Variants in CACNB4 observed in about 807,000 individuals in gnomAD.
CACNB4 encodes the protein voltage-dependent L-type calcium channel subunit beta-4.
Under a neutral mutation model 71.2 loss-of-function variants are expected in CACNB4, and 32 were observed. The observed-to-expected ratio is 0.45, with a 90% CI of 0.34 to 0.60. The LOEUF is 0.60. Ranked by LOEUF, CACNB4 falls within the 20% of genes least tolerant of loss-of-function variation. CACNB4 has a pLI of 0.01. For synonymous variants in CACNB4, 231 were observed against 236.9 expected, an observed-to-expected ratio of 0.97 and a Z score of 0.23; for missense variants, 464 against 647.9, an observed-to-expected ratio of 0.72 and a Z score of 3.08.
intron 2 of CACNB4, among the ~76,000 whole-genome samples, chr2:151,905,806 A>G (rs2099854659): frequency 6.6e-6 from 1 of 152,252 alleles, no homozygotes; most frequent in African/African-American, 2.4e-5. Context: ...CTGACAAGAA[A>G]TGGGAATGTG....
intron 12 of CACNB4, among the ~76,000 whole-genome samples, chr2:151,843,183 T>A (rs1036031647): frequency 6.6e-6 from 1 of 152,200 alleles, no homozygotes; most frequent in South Asian, 2.1e-4. Flanking sequence ...CCCCCTGTCA[T>A]TGCAGTGTGG....
At position 151,841,042 on chromosome 2, in the gene CACNB4, G is replaced by A. The variant is rs1578414747; in HGVS notation, c.1302+861C>T. Among the ~76,000 whole-genome samples, 3 of 152,174 alleles carry A rather than the reference G, an allele frequency of 2.0e-5. No homozygotes were observed. The East Asian group carries it at 5.8e-4, about 29-fold the overall frequency. ...TGTGTTCGTCACCAGCTTCCCTAAA[G>A]GACACGTGCCACAGCCACTTACAAA... is the stretch of plus-strand genomic sequence containing the variant. On this transcript the variant is annotated intron_variant, in intron 13 of 13. Transcript: ENST00000539935.
chr2:151,849,750 G>A (rs1323719704), intron 12 of CACNB4, among the ~76,000 whole-genome samples: 1 of 152,180 alleles, frequency 6.6e-6, no homozygotes, highest in Non-Finnish European at 1.5e-5. Context: ...TAAGGTACCA[G>A]GTCAGCCGCC....
chr2:151,930,339 T>A (rs2099861329), intron 2 of CACNB4, among the ~76,000 whole-genome samples: 1 of 152,114 alleles, frequency 6.6e-6, no homozygotes, highest in Admixed American at 6.6e-5. Context: ...TTTGTTATTC[T>A]CCTAAAGACT....
chr2:151,971,378 T>C (rs998908364), intron 2 of CACNB4: 95 of 629,686 alleles, frequency 1.5e-4, no homozygotes, highest in Admixed American at 2.3e-4. Context: ...GTAGGACATA[T>C]GCGGATGGTT....
At position 152,009,901 on chromosome 2, in the gene CACNB4, G is replaced by A. The variant is rs187981534; in HGVS notation, c.147+88429C>T. On this transcript the variant is annotated intron_variant, in intron 2 of 13. Coordinates refer to ENST00000539935, the MANE Select transcript of CACNB4 (RefSeq NM_000726.5). Reference sequence around the variant, plus strand: ...AAAAGGCGTCAAGAAACTGGGGCTGGGGACACAGCAACAGTGAGAAATCTT... The same window carrying A: ...AAAAGGCGTCAAGAAACTGGGGCTGAGGACACAGCAACAGTGAGAAATCTT... 6.6e-4 allele frequency among the ~76,000 whole-genome samples: 101 copies of A among 152,250 alleles called. 2 individuals are homozygous for A. In the East Asian group the frequency reaches 0.016, roughly 24 times the overall value.
In CACNB4 at chr2:151,833,219, A is replaced by C. The variant is rs1168897521; in HGVS notation, c.*5900T>G. 6.6e-6 allele frequency: 1 copy of C among 152,156 alleles called. No homozygotes were observed. The highest frequency in any genetic ancestry group is 2.4e-5 in the African/African-American group (1 of 41,448). The allele number at this position is 152,156 out of a possible 1,614,324, so 9.4% of individuals were successfully genotyped here. On this transcript the variant is annotated 3_prime_UTR_variant, in exon 14 of 14. Coordinates refer to ENST00000539935, the MANE Select transcript of CACNB4 (RefSeq NM_000726.5). ...AAAAATCTTTTTACATCATTTTGCC[A>C]TATTTCTGTTTTAGTATGTTTTATG...
rs547251558 is a variant in CACNB4 at position 151,933,762 on chromosome 2, G to A, written c.148-50392C>T. Among the ~76,000 whole-genome samples the A allele has an allele frequency of 2.6e-5, 4 of 152,090 alleles. 1 individual carries two copies. In the South Asian group the frequency reaches 8.3e-4, roughly 32 times the overall value. On this transcript the variant is annotated intron_variant, in intron 2 of 13. Coordinates refer to ENST00000539935, the MANE Select transcript of CACNB4 (RefSeq NM_000726.5). ...GATATCAAACTCCATATATTTTGAG[G>A]GTTTTAAAAAAAATTGTAGGGTCAC...
In CACNB4 at chr2:152,098,189, C is replaced by G. The variant is rs1361302451; in HGVS notation, c.147+141G>C. 7 of 639,100 alleles carry G rather than the reference C, an allele frequency of 1.1e-5. No homozygotes were observed. The highest frequency in any genetic ancestry group is 1.9e-5 in the South Asian group (1 of 53,894). The allele number at this position is 639,100 out of a possible 1,614,324, so 39.6% of individuals were successfully genotyped here. A position where few individuals can be genotyped will look rare whatever the true frequency, so the allele number is the denominator to read the frequency against. On this transcript the variant is annotated intron_variant, in intron 2 of 13. Coordinates refer to ENST00000539935, the MANE Select transcript of CACNB4 (RefSeq NM_000726.5). This position sits in a 1 kb window ranked among gnomAD's most constrained non-coding sequence, Gnocchi z 5.3. ...AGGCTAGAGGGAGAGGGACTGAGCCCGAGCACCGGCCGAGGCCGGGAAGAG... is the reference window on the plus strand; with the variant it reads ...AGGCTAGAGGGAGAGGGACTGAGCCGGAGCACCGGCCGAGGCCGGGAAGAG...
At chr2:152,002,473 G>T (rs2151782354) in intron 2 of CACNB4, among the ~76,000 whole-genome samples, 2 of 152,286 alleles carry the variant, frequency 1.3e-5, no homozygotes, top group African/African-American at 4.8e-5. Flanking sequence ...CTAAATAGCT[G>T]CAGTGGAAGA....
chr2:151,969,929 C>G (rs1188257713), intron 2 of CACNB4: 1 of 152,078 alleles, frequency 6.6e-6, no homozygotes, highest in East Asian at 1.9e-4. Context: ...ACTATATTTT[C>G]CTCTCTGGAA....
chr2:152,063,135 A>T (rs1442917827), intron 2 of CACNB4, among the ~76,000 whole-genome samples: 1 of 152,216 alleles, frequency 6.6e-6, no homozygotes, highest in African/African-American at 2.4e-5. Flanking sequence ...TATTGCACAT[A>T]TATTGGTAAT....
chr2:151,998,705 G>C (rs1682216860), intron 2 of CACNB4, among the ~76,000 whole-genome samples: 1 of 152,166 alleles, frequency 6.6e-6, no homozygotes, highest in Non-Finnish European at 1.5e-5. Flanking sequence ...CCAATAATAG[G>C]CTGGTCATCC....
At chr2:152,096,808 T>A (rs572019507) in intron 2 of CACNB4, among the ~76,000 whole-genome samples, 1 of 152,308 alleles carries the variant, frequency 6.6e-6, no homozygotes, top group South Asian at 2.1e-4. Context: ...TGTTTGTGCT[T>A]GGAAGGAAGA....
chr2:151,901,882 T>C (rs1379361601), intron 2 of CACNB4, among the ~76,000 whole-genome samples: 1 of 152,208 alleles, frequency 6.6e-6, no homozygotes, highest in Non-Finnish European at 1.5e-5. Context: ...ATTACAAAAT[T>C]GGAATACAAT....
chr2:151,996,539 C>T (rs1309468038), intron 2 of CACNB4, among the ~76,000 whole-genome samples: 2 of 151,850 alleles, frequency 1.3e-5, no homozygotes, highest in Non-Finnish European at 2.9e-5. Flanking sequence ...GCTATGTCAG[C>T]CCACAACTTG....
At chr2:151,880,650 G>A in intron 4 of CACNB4, 150 bp downstream of exon 4, 2 of 732,106 alleles carry the variant, frequency 2.7e-6, no homozygotes, top group Admixed American at 2.8e-5. Context: ...CAATCTTAAT[G>A]AGAATGACTA....
intron 2 of CACNB4, among the ~76,000 whole-genome samples, chr2:152,049,647 G>A (rs562174803): frequency 5.7e-4 from 87 of 151,802 alleles, no homozygotes; most frequent in African/African-American, 2.1e-3. Context: ...ACCATAAGAA[G>A]GAAGTAGGTC....
At chr2:152,022,450 AT>A (rs1169452939) in intron 2 of CACNB4, among the ~76,000 whole-genome samples, 11 of 152,276 alleles carry the variant, frequency 7.2e-5, no homozygotes, top group Admixed American at 6.5e-5. Context: ...CAAACACAAT[AT>A]AAAAACATCA....
Sources: gnomAD v4.1 joint callset for allele counts (sites outside exome capture counted in the v4.1 genomes callset) on GRCh38, gnomAD v4.1.1 for gene constraint, Gnocchi (gnomAD v3.1) non-coding constraint, MANE v1.5 for transcripts, NCBI Gene and HGNC (gene_info 2026-07-23, HGNC 2026-07-21) for gene names.